BNC2: variants seen among roughly 807,000 people sequenced by gnomAD.
BNC2 encodes the protein basonuclin zinc finger protein 2, also known as zinc finger protein basonuclin-2.
In BNC2, 20 loss-of-function variants were observed where a neutral mutation model predicts 76.3. The ratio of observed to expected loss-of-function variants is 0.26; its 90% CI spans 0.18 to 0.38. The LOEUF (loss-of-function observed/expected upper bound fraction) is 0.38, where lower values mean the gene tolerates loss of function less well. Among genes scored for constraint, BNC2 ranks in the 10% least tolerant of loss-of-function variants. The pLI is 1.00. For missense variants in BNC2, 1,382 were observed against 1,399.8 expected, an observed-to-expected ratio of 0.99 and a Z score of 0.20; for synonymous variants, 582 against 514.8, an observed-to-expected ratio of 1.13 and a Z score of -1.77.
At chr9:16,653,249 T>C (rs1333684252) in intron 3 of BNC2, among the ~76,000 whole-genome samples, 1 of 152,112 alleles carries the variant, frequency 6.6e-6, no homozygotes, top group Non-Finnish European at 1.5e-5. Context: ...AGTGTGACAG[T>C]TGATTACTCT....
At chr9:16,844,683 G>A (rs965708805) in intron 1 of BNC2, among the ~76,000 whole-genome samples, 11 of 151,944 alleles carry the variant, frequency 7.2e-5, no homozygotes, top group Non-Finnish European at 1.3e-4. Context: ...ATTTTTAGTA[G>A]AGACGGGTTT....
intron 3 of BNC2, among the ~76,000 whole-genome samples, chr9:16,662,448 T>C (rs1291651339): frequency 2.6e-5 from 4 of 152,006 alleles, no homozygotes; most frequent in African/African-American, 9.7e-5. Context: ...CAAGAGAAAA[T>C]ACCCGGGCTG....
chr9:16,559,051 A>G (rs1818929189), intron 4 of BNC2, among the ~76,000 whole-genome samples: 1 of 152,222 alleles, frequency 6.6e-6, no homozygotes, highest in African/African-American at 2.4e-5. Flanking sequence ...AGAGTATTCT[A>G]AACAATTTCA....
At chr9:16,642,801 G>A (rs2133866338) in intron 3 of BNC2, among the ~76,000 whole-genome samples, 1 of 152,266 alleles carries the variant, frequency 6.6e-6, no homozygotes, top group Admixed American at 6.5e-5. Context: ...GGAATGAAAA[G>A]CAATAATCAA....
intron 1 of BNC2, among the ~76,000 whole-genome samples, chr9:16,798,150 G>A (rs1165125518): frequency 6.6e-6 from 1 of 152,156 alleles, no homozygotes; most frequent in Non-Finnish European, 1.5e-5. Context: ...TTTCTGCCAA[G>A]TAATTAGGAA....
intron 3 of BNC2, among the ~76,000 whole-genome samples, chr9:16,650,550 T>A (rs188524887): frequency 6.6e-6 from 1 of 152,098 alleles, no homozygotes; most frequent in Admixed American, 6.5e-5. Context: ...TTTCAAAATT[T>A]TTTTTTATTT....
chr9:16,421,291 T>C lies in BNC2; in HGVS notation c.2640-1642A>G, dbSNP rs1366280336. 5 of 1,299,128 alleles carry C rather than the reference T, an allele frequency of 3.8e-6. No individual in the cohort carries two copies. In the Admixed American group the frequency reaches 1.2e-4, roughly 30 times the overall value. 80.5% of individuals were successfully genotyped at this position (1,299,128 alleles called of 1,614,324 possible). A position where few individuals can be genotyped will look rare whatever the true frequency, so the allele number is the denominator to read the frequency against. The stretch of plus-strand genomic sequence containing the variant: ...TGACAATAAGATCAGCTTTCTAATC[T>C]TTTGCTAAATCGATCACAAAAGAAA... On this transcript the variant is annotated intron_variant, in intron 6 of 6. Transcript: ENST00000380672.
intron 4 of BNC2, among the ~76,000 whole-genome samples, chr9:16,562,559 T>C (rs553586384): frequency 7.2e-5 from 11 of 152,196 alleles, no homozygotes; most frequent in Non-Finnish European, 1.6e-4. Flanking sequence ...TTAATCATCA[T>C]TTTCATCTTA....
chr9:16,723,501 T>TGG (rs5896702), intron 3 of BNC2, among the ~76,000 whole-genome samples: 7 of 149,712 alleles, frequency 4.7e-5, no homozygotes, highest in Admixed American at 1.3e-4. Flanking sequence ...TCAAAAAAAT[T>TGG]GGGGGGGGGG....
chr9:16,757,661 A>C (rs557254745), intron 1 of BNC2, among the ~76,000 whole-genome samples: 1 of 152,188 alleles, frequency 6.6e-6, no homozygotes, highest in South Asian at 2.1e-4. Context: ...TGTTTCCAAC[A>C]ATTATTGACT....
At chr9:16,688,582 T>A (rs1251299249) in intron 3 of BNC2, among the ~76,000 whole-genome samples, 1 of 152,244 alleles carries the variant, frequency 6.6e-6, no homozygotes, top group Non-Finnish European at 1.5e-5. Flanking sequence ...TACAAAGTTC[T>A]ACAAAGATTT....
intron 3 of BNC2, among the ~76,000 whole-genome samples, chr9:16,608,624 G>C (rs1301815683): frequency 1.3e-5 from 2 of 152,038 alleles, no homozygotes; most frequent in African/African-American, 4.8e-5. Flanking sequence ...TCCTGCCTCA[G>C]CCTCCCAAGT....
chr9:16,869,504 T>C (rs1273150195), intron 1 of BNC2, among the ~76,000 whole-genome samples: 1 of 152,078 alleles, frequency 6.6e-6, no homozygotes, highest in Admixed American at 6.6e-5. Flanking sequence ...ACAAGAGATG[T>C]CACATTAGGG....
intron 5 of BNC2, among the ~76,000 whole-genome samples, chr9:16,442,098 T>A (rs1821140476): frequency 6.6e-6 from 1 of 152,216 alleles, no homozygotes. Context: ...TACAGTGACT[T>A]TTAACCCTTC....
intron 6 of BNC2, among the ~76,000 whole-genome samples, chr9:16,425,731 GT>G (rs1486519852): frequency 1.1e-4 from 17 of 152,178 alleles, no homozygotes; most frequent in Admixed American, 3.9e-4. Flanking sequence ...AGAATTATTG[GT>G]TTGTTGGCAG....
chr9:16,722,231 C>G (rs898565813), intron 3 of BNC2, among the ~76,000 whole-genome samples: 1 of 152,180 alleles, frequency 6.6e-6, no homozygotes, highest in East Asian at 1.9e-4. Context: ...GGAGTCCTTG[C>G]AATCCTGCCT....
At chr9:16,699,152 T>C (rs1823434064) in intron 3 of BNC2, 1 of 467,692 alleles carries the variant, frequency 2.1e-6, no homozygotes, top group East Asian at 7.0e-5. Context: ...TTTCCCTTTG[T>C]TTTAAAAACA....
rs191468862 is a variant in BNC2, at chr9:16,648,672, T to C, written c.331-65587A>G. Among the ~76,000 whole-genome samples, 443 of 152,338 alleles carry C rather than the reference T, an allele frequency of 2.9e-3. 3 individuals are homozygous for C. The highest frequency in any genetic ancestry group is 0.01 in the African/African-American group (417 of 41,582). Reference sequence around the variant, plus strand: ...TAATGAGGCTCCATCAAATAAGTTATGGAAATTGTGTCACCTGCAAACCAC... The same window carrying C: ...TAATGAGGCTCCATCAAATAAGTTACGGAAATTGTGTCACCTGCAAACCAC... On this transcript the variant is annotated intron_variant, in intron 3 of 6. Transcript: ENST00000380672.
chr9:16,503,062 G>C (rs1483581573), intron 5 of BNC2, among the ~76,000 whole-genome samples: 1 of 152,170 alleles, frequency 6.6e-6, no homozygotes. Context: ...CTTGCCCTGA[G>C]ATAAATTTTC....
Sources: allele counts gnomAD v4.1 joint callset (sites outside exome capture counted in the v4.1 genomes callset), GRCh38; gene constraint gnomAD v4.1.1; transcripts MANE v1.5; gene names NCBI Gene and HGNC (gene_info 2026-07-23, HGNC 2026-07-21).